The following MILR1 variants were observed in gnomAD, a reference collection of about 807,000 sequenced individuals.
The protein encoded by MILR1 is allergin-1.
Under a neutral mutation model 18.5 loss-of-function variants are expected in MILR1, and 31 were observed. That is an observed-to-expected ratio of 1.68 (90% confidence interval 1.26 to 2.26). The LOEUF (loss-of-function observed/expected upper bound fraction) is 2.26, where lower values mean the gene tolerates loss of function less well. Among genes scored for constraint, MILR1 ranks in the 30% most tolerant of loss-of-function variants. MILR1 has a pLI of 0.00. For synonymous variants in MILR1, 85 were observed against 56.2 expected, an observed-to-expected ratio of 1.51 and a Z score of -2.30; for missense variants, 257 against 157.4, an observed-to-expected ratio of 1.63 and a Z score of -3.38.
rs1275787154 is a variant in MILR1, at chr17:64,468,443, C to T, written c.*162C>T. On this transcript the variant is annotated 3_prime_UTR_variant, in exon 10 of 10. Coordinates refer to ENST00000619286, the MANE Select transcript of MILR1 (RefSeq NM_001085423.2). ...AGCTGGGATTACAGGTGCCCGCTAC[C>T]ACGCCCAGCTAATTTTTGTATTTTT... 8 of 375,586 alleles carry T rather than the reference C, an allele frequency of 2.1e-5. No homozygotes were observed. Among genetic ancestry groups the T allele is most frequent in the South Asian group, 4.1e-5 (2 of 49,342 alleles). 23.3% of individuals were successfully genotyped at this position (375,586 alleles called of 1,614,324 possible).
At chr17:64,490,928 C>T in the MILR1 span, 4 of 1,613,992 alleles carry the variant, frequency 2.5e-6, no homozygotes, top group East Asian at 6.7e-5. Flanking sequence ...CTTCTTCATC[C>T]TGACAGTCAC....
chr17:64,478,115 C>A, the MILR1 span: 5 of 827,556 alleles, frequency 6.0e-6, no homozygotes, highest in Admixed American at 2.7e-5. Context: ...AAGGGTGGAC[C>A]AAAAAAACCC....
At chr17:64,474,599 T>C in the MILR1 span, among the ~76,000 whole-genome samples, 1 of 151,984 alleles carries the variant, frequency 6.6e-6, no homozygotes, top group Non-Finnish European at 1.5e-5. Context: ...GGTCTCGAAC[T>C]CCAGGACTCA....
chr17:64,495,328 C>A, the MILR1 span, among the ~76,000 whole-genome samples: 1 of 152,058 alleles, frequency 6.6e-6, no homozygotes, highest in Non-Finnish European at 1.5e-5. Context: ...ACCTGTAATC[C>A]CAGCACTTTG....
intron 3 of MILR1, 73 bp downstream of exon 3, chr17:64,452,939 A>C (rs1054048376): frequency 6.6e-6 from 3 of 451,632 alleles, no homozygotes; most frequent in African/African-American, 6.0e-5. Flanking sequence ...GGGGCTCTCC[A>C]TGATCCTTGT....
chr17:64,477,635 T>C, the MILR1 span: 1 of 641,286 alleles, frequency 1.6e-6, no homozygotes, highest in African/African-American at 1.9e-5. Context: ...TCCAGTATAG[T>C]AGATTTTTGT....
intron 8 of MILR1, 105 bp from the exon 9 acceptor site, chr17:64,467,460 A>T: frequency 1.5e-6 from 1 of 676,276 alleles, no homozygotes; most frequent in African/African-American, 1.8e-5. Context: ...AAAATTAGTT[A>T]ATACCTGGTT....
At chr17:64,451,471 G>C (rs1264742903) in intron 2 of MILR1, among the ~76,000 whole-genome samples, 2 of 152,148 alleles carry the variant, frequency 1.3e-5, no homozygotes, top group African/African-American at 2.4e-5. Flanking sequence ...CCAATCTGAT[G>C]AGTGAAAAAT....
chr17:64,486,361 C>CT, the MILR1 span, among the ~76,000 whole-genome samples: 40,179 of 141,186 alleles, frequency 0.28, 10,351 homozygotes, highest in African/African-American at 0.69. Context: ...AAAGGTAACA[C>CT]TTTTTTTTTT....
chr17:64,452,107 T>C (rs1246491764), intron 2 of MILR1, among the ~76,000 whole-genome samples: 1 of 151,440 alleles, frequency 6.6e-6, no homozygotes, highest in Non-Finnish European at 1.5e-5. Context: ...TGTTCTGTTT[T>C]GTTTTTTAAA....
chr17:64,466,770 C>T, intron 8 of MILR1, 108 bp downstream of exon 8: 2 of 895,158 alleles, frequency 2.2e-6, no homozygotes, highest in Non-Finnish European at 1.7e-6. Context: ...TGGATGGGAG[C>T]AATGCAGGCA....
At chr17:64,482,924 T>A in the MILR1 span, 1 of 1,562,714 alleles carries the variant, frequency 6.4e-7, no homozygotes, top group Non-Finnish European at 8.8e-7. Flanking sequence ...CTCACCTGTC[T>A]TAGTTCCAAT....
the MILR1 span, chr17:64,483,026 A>G: frequency 8.7e-7 from 1 of 1,149,442 alleles, no homozygotes; most frequent in Non-Finnish European, 1.3e-6. Flanking sequence ...GGGGAGGGAG[A>G]AGACAGGAAA....
At chr17:64,477,886 C>A in the MILR1 span, 1 of 1,613,354 alleles carries the variant, frequency 6.2e-7, no homozygotes, top group Non-Finnish European at 8.5e-7. Context: ...ATATATGCAT[C>A]ATTTCCTTCA....
intron 5 of MILR1, among the ~76,000 whole-genome samples, chr17:64,463,815 TA>T (rs1427334058): frequency 1.4e-5 from 2 of 146,918 alleles, no homozygotes; most frequent in African/African-American, 5.1e-5. Flanking sequence ...AACTCCTGGC[TA>T]ATTTTTTTTT....
chr17:64,489,028 C>CA, the MILR1 span, among the ~76,000 whole-genome samples: 1 of 136,474 alleles, frequency 7.3e-6, no homozygotes. Flanking sequence ...TTTTCTTTTT[C>CA]TTTTTTTTTT....
At position 64,467,630 on chromosome 17, in the gene MILR1, C is replaced by A. The variant is rs200747592; in HGVS notation, c.*13C>A. On this transcript the variant is annotated 3_prime_UTR_variant, in exon 9 of 10. Coordinates refer to ENST00000619286, the MANE Select transcript of MILR1 (RefSeq NM_001085423.2). ...ACTCAACTTCTGAAATTTACAGAAA[C>A]AAACTACATCTCAGGGTAAGATGCT... 260 of 1,552,750 alleles carry A rather than the reference C, an allele frequency of 1.7e-4. No individual in the cohort carries two copies. Among genetic ancestry groups the A allele is most frequent in the Non-Finnish European group, 1.3e-4 (153 of 1,138,964 alleles).
At chr17:64,481,125 C>T in the MILR1 span, 1 of 286,662 alleles carries the variant, frequency 3.5e-6, no homozygotes, top group Non-Finnish European at 5.2e-6. Context: ...CAGGAGAGGC[C>T]TGCAGCACCC....
At chr17:64,483,098 AAC>A in the MILR1 span, 7 of 654,940 alleles carry the variant, frequency 1.1e-5, no homozygotes, top group Non-Finnish European at 1.9e-5. Context: ...AGTATTAACA[AAC>A]AGTTTCTTAA....
Sources: allele counts gnomAD v4.1 joint callset (sites outside exome capture counted in the v4.1 genomes callset), GRCh38; gene constraint gnomAD v4.1.1; transcripts MANE v1.5; gene names NCBI Gene and HGNC (gene_info 2026-07-23, HGNC 2026-07-21).